SPG11: variants seen among roughly 807,000 people sequenced by gnomAD.
SPG11 encodes spatacsin.
SPG11 carries 222 observed loss-of-function variants against 274.0 expected under a neutral mutation model. The ratio of observed to expected loss-of-function variants is 0.81; its 90% CI spans 0.73 to 0.91. The LOEUF (loss-of-function observed/expected upper bound fraction) is 0.91, where lower values mean the gene tolerates loss of function less well. Ranked by LOEUF, SPG11 falls within the 40% of genes least tolerant of loss-of-function variation. SPG11 has a pLI of 0.00. For synonymous variants in SPG11, 1,144 were observed against 1,039.7 expected, an observed-to-expected ratio of 1.10 and a Z score of -1.93; for missense variants, 3,114 against 2,872.7, an observed-to-expected ratio of 1.08 and a Z score of -1.92.
intron 11 of SPG11, among the ~76,000 whole-genome samples, chr15:44,623,893 T>A (rs2083823743): frequency 6.6e-6 from 1 of 152,036 alleles, no homozygotes; most frequent in African/African-American, 2.4e-5. Context: ...CCCGAATAGC[T>A]GGGATTACAG....
In SPG11 at chr15:44,592,355, C is replaced by CA; in HGVS notation, c.4718dup (p.Glu1574GlyfsTer7). 1 of 1,609,520 alleles carries CA rather than the reference C, an allele frequency of 6.2e-7. No individual in the cohort carries two copies. The highest frequency in any genetic ancestry group is 1.7e-4 in the Middle Eastern group (1 of 6,058). On this transcript the variant is annotated frameshift_variant, in exon 27 of 40. Coordinates refer to ENST00000261866, the MANE Select transcript of SPG11 (RefSeq NM_025137.4). LOFTEE classifies it high-confidence loss of function. ...CCGTTTCAAGGCTCTTCTGAAACTCCAGAAGTTTAGCTTCAGCTTCTTTAT... is the reference window on the plus strand; with the variant it reads ...CCGTTTCAAGGCTCTTCTGAAACTCCAAGAAGTTTAGCTTCAGCTTCTTTAT...
chr15:44,570,405 A>T, intron 34 of SPG11, 120 bp downstream of exon 34: 1 of 1,232,184 alleles, frequency 8.1e-7, no homozygotes, highest in Non-Finnish European at 1.1e-6. Context: ...TCAAGTAGGT[A>T]GTGGTATCCA....
At chr15:44,629,840 G>A (rs1325683872) in intron 8 of SPG11, among the ~76,000 whole-genome samples, 1 of 151,602 alleles carries the variant, frequency 6.6e-6, no homozygotes, top group African/African-American at 2.4e-5. Context: ...GGAGGCCAAG[G>A]CAAGCAGATC....
At chr15:44,643,318 T>C (rs866707859) in intron 7 of SPG11, among the ~76,000 whole-genome samples, 5 of 152,264 alleles carry the variant, frequency 3.3e-5, no homozygotes, top group East Asian at 3.9e-4. Context: ...ATTATTAACA[T>C]AGAAAAAATA....
intron 2 of SPG11, among the ~76,000 whole-genome samples, chr15:44,659,673 C>T (rs2085047420): frequency 6.6e-6 from 1 of 152,148 alleles, no homozygotes; most frequent in East Asian, 1.9e-4. Context: ...AAATAGAGGC[C>T]TGAGTGCTTT....
At chr15:44,584,966 A>C (rs2082727095) in intron 29 of SPG11, among the ~76,000 whole-genome samples, 1 of 152,190 alleles carries the variant, frequency 6.6e-6, no homozygotes, top group South Asian at 2.1e-4. Context: ...ATCAGAGAAC[A>C]GAGATTTGGC....
rs747681565 is a variant in SPG11 at position 44,622,759 on chromosome 15, T to C, written c.2285A>G (p.Tyr762Cys). ...GTCACGTATATTTTTATTAGTTGTA[T>C]AGAAGCAGATCTTGAGCAATTGGCC... ...VKGQLLKICF[Y>C]TTNKNIRDFL... The change falls in exon 12 of 40, where the codon TAT becomes TGT. Residue 762 changes from tyrosine to cysteine, a missense_variant. Transcript: ENST00000261866. 8 of 1,613,702 alleles carry C rather than the reference T, an allele frequency of 5.0e-6. No individual in the cohort carries two copies. In the African/African-American group the frequency reaches 6.7e-5, roughly 13 times the overall value.
chr15:44,570,135 C>T (rs2082390684), intron 34 of SPG11, among the ~76,000 whole-genome samples: 1 of 152,150 alleles, frequency 6.6e-6, no homozygotes. Context: ...CAGTTTCAAG[C>T]CCAGAGAATT....
chr15:44,588,616 G>T, intron 28 of SPG11: 1 of 425,434 alleles, frequency 2.4e-6, no homozygotes, highest in Non-Finnish European at 4.8e-6. Flanking sequence ...AGATTTGGCT[G>T]AAGGCAGCCT....
intron 28 of SPG11, among the ~76,000 whole-genome samples, chr15:44,587,693 C>CCAAAAAAAAAA (rs2082797943): frequency 2.9e-5 from 1 of 34,054 alleles, no homozygotes; most frequent in African/African-American, 1.8e-4. Flanking sequence ...CAGACTGTCT[C>CCAAAAAAAAAA]AAAAAAAAAA....
intron 27 of SPG11, 35 bp downstream of exon 27, chr15:44,592,296 G>C: frequency 7.8e-7 from 1 of 1,287,226 alleles, no homozygotes; most frequent in Non-Finnish European, 1.1e-6. Context: ...ACCAAGTGCA[G>C]ATCAGTGAGA....
At chr15:44,661,886 T>C (rs563276536) in intron 1 of SPG11, among the ~76,000 whole-genome samples, 1 of 152,346 alleles carries the variant, frequency 6.6e-6, no homozygotes, top group East Asian at 1.9e-4. Context: ...ATTTTTAACC[T>C]ATGAAGTATT....
intron 30 of SPG11, among the ~76,000 whole-genome samples, chr15:44,577,701 G>C (rs1026294213): frequency 6.6e-6 from 1 of 152,036 alleles, no homozygotes; most frequent in African/African-American, 2.4e-5. Flanking sequence ...AATACATGTG[G>C]CATACAAGGA....
Position 44,657,258 on chromosome 15 carries a change from CAT to C in SPG11, c.704_705del (p.His235ArgfsTer12), listed in dbSNP as rs312262719. The C allele has an allele frequency of 8.7e-6, 14 of 1,614,214 alleles. No individual in the cohort carries two copies. The highest frequency in any genetic ancestry group is 3.3e-5 in the Admixed American group (2 of 60,030). On this transcript the variant is annotated frameshift_variant, in exon 4 of 40. Transcript: ENST00000261866. LOFTEE classifies it high-confidence loss of function. ...FDVVDGTYVAHVDLALHKEDM... is the reference protein window; with the variant it reads ...FDVVDGTYVAXVDLALHKEDM... ...TCTTCTTTGTGAAGTGCTAAATCCA[CAT>C]GAGCTACATATGTACCATCCACAAC...
chr15:44,597,073 C>A, intron 23 of SPG11, 130 bp from the exon 24 acceptor site: 7 of 700,234 alleles, frequency 1.0e-5, no homozygotes, highest in Non-Finnish European at 1.4e-5. Context: ...CCAACAAATA[C>A]TAAATATTTA....
Position 44,615,409 on chromosome 15 carries a change from C to T in SPG11, c.2992G>A (p.Glu998Lys), listed in dbSNP as rs763390056. Reference protein sequence around the residue: ...FHSQFILYCLEHSLQHLLYVY... With the variant: ...FHSQFILYCLKHSLQHLLYVY... ...TAAAGAAGATGCTGCAGACTGTGCT[C>T]CAAACAATAGAGAATGAATTGAGAA... The change falls in exon 16 of 40, where the codon GAG becomes AAG. Residue 998 changes from glutamate (E) to lysine (K), a missense_variant. Coordinates refer to ENST00000261866, the MANE Select transcript of SPG11 (RefSeq NM_025137.4). The T allele has an allele frequency of 6.2e-7, 1 of 1,614,010 alleles. No homozygotes were observed. Among genetic ancestry groups the T allele is most frequent in the Admixed American group, 1.7e-5 (1 of 60,016 alleles).
At chr15:44,650,283 C>T (rs1411107145) in intron 6 of SPG11, among the ~76,000 whole-genome samples, 2 of 152,118 alleles carry the variant, frequency 1.3e-5, no homozygotes, top group African/African-American at 4.8e-5. Flanking sequence ...CTTTGGGAGG[C>T]CAAGCCGGGA....
chr15:44,650,017 A>G (rs1163045113), intron 6 of SPG11, among the ~76,000 whole-genome samples: 1 of 152,214 alleles, frequency 6.6e-6, no homozygotes, highest in Non-Finnish European at 1.5e-5. Context: ...AATAATTCAT[A>G]GCATATTCCT....
chr15:44,598,669 T>C lies in SPG11; in HGVS notation c.3854A>G (p.Asn1285Ser), dbSNP rs781384900. The C allele has an allele frequency of 2.5e-6, 4 of 1,614,250 alleles. No individual in the cohort carries two copies. Among genetic ancestry groups the C allele is most frequent in the East Asian group, 2.2e-5 (1 of 44,888 alleles). The change falls in exon 22 of 40, where the codon AAT becomes AGT. Residue 1285 changes from asparagine (N) to serine (S), a missense_variant. Coordinates refer to ENST00000261866, the MANE Select transcript of SPG11 (RefSeq NM_025137.4). ...GATAAAGCTGTACTGAGCATCTTCA[T>C]TTCTGCACTTGTAGCTCAAAATTAT... The part of the protein sequence containing the change: ...ANIILSYKCR[N>S]EDAQYSFIRE...
Sources: gnomAD v4.1 joint callset for allele counts (sites outside exome capture counted in the v4.1 genomes callset) on GRCh38, gnomAD v4.1.1 for gene constraint, MANE v1.5 for transcripts, NCBI Gene and HGNC (gene_info 2026-07-23, HGNC 2026-07-21) for gene names.